Variants in SLC35F5 observed in about 807,000 individuals in gnomAD.
SLC35F5 encodes the protein HCV NS5A-transactivated protein 3.
Under a neutral mutation model 68.6 loss-of-function variants are expected in SLC35F5, and 54 were observed. That is an observed-to-expected ratio of 0.79 (90% CI 0.63 to 0.99). The LOEUF is 0.99. Among genes scored for constraint, SLC35F5 ranks in the 50% least tolerant of loss-of-function variants. SLC35F5 has a pLI of 0.00. For synonymous variants in SLC35F5, 211 were observed against 205.2 expected, an observed-to-expected ratio of 1.03 and a Z score of -0.24; for missense variants, 567 against 626.9, an observed-to-expected ratio of 0.90 and a Z score of 1.02.
intron 12 of SLC35F5, among the ~76,000 whole-genome samples, chr2:113,724,023 GTA>G (rs1687562347): frequency 6.6e-6 from 1 of 152,150 alleles, no homozygotes; most frequent in African/African-American, 2.4e-5. Context: ...ATCTAGCTCA[GTA>G]TATGTCAGAA....
chr2:113,709,896 C>G lies in SLC35F5; in HGVS notation c.*5322G>C, dbSNP rs751360722. Among the ~76,000 whole-genome samples, 1 of 152,134 alleles carries G rather than the reference C, an allele frequency of 6.6e-6. No homozygotes were observed. Among genetic ancestry groups the G allele is most frequent in the East Asian group, 1.9e-4 (1 of 5,194 alleles). On this transcript the variant is annotated 3_prime_UTR_variant, in exon 16 of 16. Coordinates refer to ENST00000245680, the MANE Select transcript of SLC35F5 (RefSeq NM_025181.5). ...GCCCAATAATAACTCACTGCAGCCT[C>G]GAACTCCTGGGTTCAAGTGATCCTC...
Position 113,706,916 on chromosome 2 carries a change from CAAATTATATAGTTTAA to C in SLC35F5, c.*8286_*8301del, listed in dbSNP as rs1428372271. 3.3e-5 allele frequency among the ~76,000 whole-genome samples: 5 copies of C among 152,032 alleles called. No individual in the cohort carries two copies. Among genetic ancestry groups the C allele is most frequent in the Non-Finnish European group, 7.4e-5 (5 of 67,996 alleles). Reference sequence around the variant, plus strand: ...TCCACAGTCTATAAAATAATGTTCCCAAATTATATAGTTTAAAATACACAATGTTTCAAGTTGCAAG... The same window carrying C: ...TCCACAGTCTATAAAATAATGTTCCCAATACACAATGTTTCAAGTTGCAAG... On this transcript the variant is annotated 3_prime_UTR_variant, in exon 16 of 16. Transcript: ENST00000245680.
chr2:113,744,511 C>T (rs938284048), intron 5 of SLC35F5, among the ~76,000 whole-genome samples: 6 of 151,988 alleles, frequency 3.9e-5, no homozygotes, highest in Admixed American at 2.0e-4. Flanking sequence ...CTTTGGGAGG[C>T]GAGGCTGAGG....
chr2:113,709,990 G>GT lies in SLC35F5; in HGVS notation c.*5227dup, dbSNP rs757901652. Among the ~76,000 whole-genome samples, 3 of 152,022 alleles carry GT rather than the reference G, an allele frequency of 2.0e-5. No homozygotes were observed. The highest frequency in any genetic ancestry group is 2.9e-5 in the Non-Finnish European group (2 of 67,988). On this transcript the variant is annotated 3_prime_UTR_variant, in exon 16 of 16. Transcript: ENST00000245680. ...CCATGCCTGTTTGTTTTTTGTTTTT[G>GT]TTTTTGTAGAGACAGGGGTCTTGCT...
Position 113,707,963 on chromosome 2 carries a change from A to G in SLC35F5, c.*7255T>C, listed in dbSNP as rs183305366. On this transcript the variant is annotated 3_prime_UTR_variant, in exon 16 of 16. Coordinates refer to ENST00000245680, the MANE Select transcript of SLC35F5 (RefSeq NM_025181.5). ...ACCATTATCAGATATTTCATGTTCT[A>G]CTAGTAAAGGGAATTCGCATTTTCA... 6.8e-4 allele frequency among the ~76,000 whole-genome samples: 103 copies of G among 152,206 alleles called. No homozygotes were observed. Among genetic ancestry groups the G allele is most frequent in the Non-Finnish European group, 5.7e-4 (39 of 68,002 alleles).
At chr2:113,726,437 TAC>T (rs1393211553) in intron 11 of SLC35F5, among the ~76,000 whole-genome samples, 7 of 152,226 alleles carry the variant, frequency 4.6e-5, no homozygotes, top group African/African-American at 1.7e-4. Flanking sequence ...GTACTTCCTA[TAC>T]AGTTTATGTC....
intron 3 of SLC35F5, among the ~76,000 whole-genome samples, chr2:113,754,590 C>T (rs1341340221): frequency 2.0e-5 from 3 of 152,104 alleles, no homozygotes; most frequent in African/African-American, 7.2e-5. Context: ...CACATTACTA[C>T]CAATAGGTCA....
rs1676351163 is a variant in SLC35F5 at position 113,743,116 on chromosome 2, A to T, written c.563-237T>A. ...AAGGTTTAAAATGAGACCAATATTC[A>T]AACAAGGTTTCTGCAATTGTGTACT... On this transcript the variant is annotated intron_variant, in intron 6 of 15. Transcript: ENST00000245680. 2.0e-5 allele frequency among the ~76,000 whole-genome samples: 3 copies of T among 152,246 alleles called. No homozygotes were observed. In the South Asian group the frequency reaches 6.2e-4, roughly 32 times the overall value.
intron 7 of SLC35F5, among the ~76,000 whole-genome samples, chr2:113,736,118 A>C (rs1472346884): frequency 1.3e-5 from 2 of 151,468 alleles, no homozygotes; most frequent in African/African-American, 4.8e-5. Flanking sequence ...TTTTTTAATG[A>C]GTAAAATCAA....
At chr2:113,729,086 C>G (rs963265861) in intron 11 of SLC35F5, among the ~76,000 whole-genome samples, 3 of 152,220 alleles carry the variant, frequency 2.0e-5, no homozygotes, top group African/African-American at 7.2e-5. Context: ...TAAACTCTCA[C>G]ATGCTTGTAA....
Position 113,756,374 on chromosome 2 carries a change from C to A in SLC35F5, c.36G>T (p.Arg12Ser), listed in dbSNP as rs866291136. ...VPPRRHRGAGRPGVLSSSPPF... is the reference protein window; with the variant it reads ...VPPRRHRGAGSPGVLSSSPPF... ...GGCCCTTCCCTGCCTGCCTACCTGG[C>A]CTTCCTGCCCCGCGATGGCGTCGTG... The change falls in exon 1 of 16, where the codon AGG becomes AGT. Residue 12 changes from arginine (R) to serine (S), a missense_variant. Physicochemically the swap from Arg to Ser is moderately radical, Grantham distance 110. Transcript: ENST00000245680. The A allele has an allele frequency of 4.5e-6, 7 of 1,570,616 alleles. No homozygotes were observed. Among genetic ancestry groups the A allele is most frequent in the East Asian group, 2.4e-5 (1 of 42,144 alleles).
At chr2:113,740,721 G>C (rs571057293) in intron 7 of SLC35F5, among the ~76,000 whole-genome samples, 1 of 152,206 alleles carries the variant, frequency 6.6e-6, no homozygotes, top group Admixed American at 6.5e-5. Context: ...CCACCTCCTG[G>C]GTTCAAGCGA....
Position 113,756,549 on chromosome 2 carries a change from G to T in SLC35F5, c.-140C>A. 6.8e-7 allele frequency: 1 copy of T among 1,473,026 alleles called. No individual in the cohort carries two copies. The highest frequency in any genetic ancestry group is 1.4e-5 in the South Asian group (1 of 74,068). 91.2% of individuals were successfully genotyped at this position (1,473,026 alleles called of 1,614,324 possible). On this transcript the variant is annotated 5_prime_UTR_variant, in exon 1 of 16. Coordinates refer to ENST00000245680, the MANE Select transcript of SLC35F5 (RefSeq NM_025181.5). ...CGGTGCCCCTCAGGGAGAGGCTCCC[G>T]ACACCACCCAACTCCACTCGGCCCA...
intron 11 of SLC35F5, among the ~76,000 whole-genome samples, chr2:113,728,406 C>T (rs1047510549): frequency 6.6e-5 from 10 of 152,294 alleles, no homozygotes; most frequent in Admixed American, 3.9e-4. Flanking sequence ...TCTCAAAGTG[C>T]TGGGATCACA....
chr2:113,740,696 G>A (rs557155651), intron 7 of SLC35F5, among the ~76,000 whole-genome samples: 15 of 151,706 alleles, frequency 9.9e-5, no homozygotes, highest in African/African-American at 3.4e-4. Flanking sequence ...GCGCCGTATC[G>A]GCTCACTGCA....
intron 4 of SLC35F5, among the ~76,000 whole-genome samples, chr2:113,748,814 T>A (rs1676620889): frequency 7.8e-6 from 1 of 127,682 alleles, no homozygotes; most frequent in Non-Finnish European, 1.7e-5. Flanking sequence ...TGTTTTTTAT[T>A]TATTTATTTT....
intron 5 of SLC35F5, among the ~76,000 whole-genome samples, chr2:113,744,888 T>C (rs1352409290): frequency 6.6e-6 from 1 of 152,230 alleles, no homozygotes; most frequent in Non-Finnish European, 1.5e-5. Context: ...TATAAATTCC[T>C]CAACTGTTTT....
intron 5 of SLC35F5, 54 bp downstream of exon 5, chr2:113,746,223 C>G: frequency 7.1e-7 from 1 of 1,417,698 alleles, no homozygotes; most frequent in Non-Finnish European, 9.9e-7. Flanking sequence ...TTCAGTTTTT[C>G]CTACCATGGC....
rs1187511765 is a variant in SLC35F5 at position 113,715,038 on chromosome 2, A to T, written c.*180T>A. The T allele has an allele frequency of 6.6e-6, 1 of 152,660 alleles. No homozygotes were observed. Among genetic ancestry groups the T allele is most frequent in the Non-Finnish European group, 1.5e-5 (1 of 68,022 alleles). The allele number at this position is 152,660 out of a possible 1,614,324, so 9.5% of individuals were successfully genotyped here. On this transcript the variant is annotated 3_prime_UTR_variant, in exon 16 of 16. Transcript: ENST00000245680. ...TGATATGTACACAGCTACATAGCAAAGTGCTTCATTATGAAAATGAAGAAA... is the reference window on the plus strand; with the variant it reads ...TGATATGTACACAGCTACATAGCAATGTGCTTCATTATGAAAATGAAGAAA...
Sources: gnomAD v4.1 joint callset for allele counts (sites outside exome capture counted in the v4.1 genomes callset) on GRCh38, gnomAD v4.1.1 for gene constraint, MANE v1.5 for transcripts, NCBI Gene and HGNC (gene_info 2026-07-23, HGNC 2026-07-21) for gene names.